Variants in RBFOX1 observed in about 807,000 individuals in gnomAD.
RBFOX1 encodes the protein RNA binding fox-1 homolog 1, also known as RNA binding protein fox-1 homolog 1.
A neutral mutation model predicts 57.7 loss-of-function variants in RBFOX1; 8 were observed. That is an observed-to-expected ratio of 0.14 (90% CI 0.08 to 0.25). The LOEUF (loss-of-function observed/expected upper bound fraction) is 0.25. Among genes scored for constraint, RBFOX1 ranks in the 10% least tolerant of loss-of-function variants. RBFOX1 has a pLI of 1.00. For missense variants in RBFOX1, 611 were observed against 548.5 expected (o/e 1.11, Z -1.14); for synonymous variants, 326 against 222.4 (o/e 1.47, Z -4.15).
intron 3 of RBFOX1, among the ~76,000 whole-genome samples, chr16:6,856,120 C>G (rs2057849843): frequency 6.6e-6 from 1 of 151,568 alleles, no homozygotes. Flanking sequence ...TCTTCCCTTT[C>G]CTTCCCTTCC....
At chr16:6,932,298 G>C (rs1342960961) in intron 3 of RBFOX1, among the ~76,000 whole-genome samples, 1 of 151,920 alleles carries the variant, frequency 6.6e-6, no homozygotes, top group Non-Finnish European at 1.5e-5. Context: ...GTAGAGACGG[G>C]GTTTCACCCT....
At chr16:6,768,635 C>A (rs1046942524) in intron 3 of RBFOX1, among the ~76,000 whole-genome samples, 2 of 151,338 alleles carry the variant, frequency 1.3e-5, no homozygotes, top group African/African-American at 4.9e-5. Flanking sequence ...ATATCGCCTA[C>A]CTGTATATAT....
intron 3 of RBFOX1, among the ~76,000 whole-genome samples, chr16:6,748,596 C>A (rs190996105): frequency 6.6e-6 from 1 of 152,132 alleles, no homozygotes; most frequent in Non-Finnish European, 1.5e-5. Context: ...AAGTTCGAGG[C>A]TGTTGTGAGT....
intron 1 of RBFOX1, among the ~76,000 whole-genome samples, chr16:6,234,488 G>C (rs888481212): frequency 6.6e-6 from 1 of 152,172 alleles, no homozygotes; most frequent in South Asian, 2.1e-4. Context: ...GCAGCATTCA[G>C]AAATAGTTTT....
intron 3 of RBFOX1, among the ~76,000 whole-genome samples, chr16:7,004,829 A>G (rs1158208076): frequency 6.6e-6 from 1 of 152,014 alleles, no homozygotes; most frequent in East Asian, 1.9e-4. Context: ...AGCTGTTGGA[A>G]CCTGTTGGGA....
At chr16:6,846,397 C>T (rs139579815) in intron 3 of RBFOX1, among the ~76,000 whole-genome samples, 19 of 152,286 alleles carry the variant, frequency 1.2e-4, no homozygotes, top group African/African-American at 4.3e-4. Context: ...AAAAGCAGGC[C>T]TTTTCCAGTA....
At chr16:6,362,795 C>T (rs970776109) in intron 2 of RBFOX1, among the ~76,000 whole-genome samples, 1 of 152,194 alleles carries the variant, frequency 6.6e-6, no homozygotes, top group African/African-American at 2.4e-5. Flanking sequence ...TATAGCCAAA[C>T]ATCACACTGG....
At position 6,118,756 on chromosome 16, in the gene RBFOX1, T is replaced by TCTCTCTTTCTCC. The variant is rs1247074672; in HGVS notation, c.-127+98788_-127+98799dup. Among the ~76,000 whole-genome samples the TCTCTCTTTCTCC allele has an allele frequency of 2.6e-3, 387 of 149,280 alleles. 1 individual carries two copies. The highest frequency in any genetic ancestry group is 4.5e-3 in the Non-Finnish European group (301 of 67,238). ...CTCTCTCTGTCCTTCCTTCCTTCCTTCTCTCTTTCTCCCTCTCTTTCTCCC... is the reference window on the plus strand; with the variant it reads ...CTCTCTCTGTCCTTCCTTCCTTCCTTCTCTCTTTCTCCCTCTCTTTCTCCCTCTCTTTCTCCC... On this transcript the variant is annotated intron_variant, in intron 1 of 15. Coordinates refer to ENST00000550418, the MANE Select transcript of RBFOX1 (RefSeq NM_018723.4).
intron 4 of RBFOX1, among the ~76,000 whole-genome samples, chr16:7,117,484 A>T (rs986889691): frequency 1.3e-4 from 20 of 152,088 alleles, no homozygotes; most frequent in African/African-American, 4.8e-4. Context: ...TTAATGTGTG[A>T]GTTTAGGAAA....
rs187037438 is a variant in RBFOX1 at position 6,609,920 on chromosome 16, C to T, written c.-63-44683C>T. ...CTACTTGGGAGGCTGAGGCACGAGA[C>T]TTGCTTGAACCCAGGAGGTGGAGGT... On this transcript the variant is annotated intron_variant, in intron 2 of 15. Coordinates refer to ENST00000550418, the MANE Select transcript of RBFOX1 (RefSeq NM_018723.4). 3.3e-3 allele frequency among the ~76,000 whole-genome samples: 497 copies of T among 152,024 alleles called. 8 individuals carry two copies. The highest frequency in any genetic ancestry group is 0.011 in the African/African-American group (459 of 41,472).
intron 3 of RBFOX1, among the ~76,000 whole-genome samples, chr16:7,003,597 G>T (rs2093031467): frequency 6.6e-6 from 1 of 152,224 alleles, no homozygotes; most frequent in Non-Finnish European, 1.5e-5. Flanking sequence ...AAATACCTCT[G>T]GAGAAAAACT....
At chr16:6,043,171 G>A (rs1246886532) in intron 1 of RBFOX1, among the ~76,000 whole-genome samples, 1 of 129,976 alleles carries the variant, frequency 7.7e-6, no homozygotes, top group Non-Finnish European at 1.7e-5. Context: ...AAGATAAGGG[G>A]CGTTGTGGAA....
At chr16:5,645,926 C>A (rs1289670291) in intron 3 of RBFOX1, among the ~76,000 whole-genome samples, 2 of 152,340 alleles carry the variant, frequency 1.3e-5, no homozygotes, top group South Asian at 4.1e-4. Context: ...GCCTCAAACT[C>A]CTGGGCTCAA....
At chr16:5,403,087 C>T (rs1333547988) in intron 1 of RBFOX1, among the ~76,000 whole-genome samples, 1 of 152,108 alleles carries the variant, frequency 6.6e-6, no homozygotes, top group African/African-American at 2.4e-5. Context: ...CATGGTGACT[C>T]ATGCCTATAA....
intron 4 of RBFOX1, among the ~76,000 whole-genome samples, chr16:7,469,720 T>C (rs1354706166): frequency 6.6e-6 from 1 of 152,276 alleles, no homozygotes; most frequent in Non-Finnish European, 1.5e-5. Flanking sequence ...TAAATATTTT[T>C]AGTGTACAAT....
intron 3 of RBFOX1, among the ~76,000 whole-genome samples, chr16:6,829,165 T>G (rs1567445427): frequency 6.6e-6 from 1 of 151,694 alleles, no homozygotes; most frequent in Non-Finnish European, 1.5e-5. Context: ...GTGTAGAAGT[T>G]TCAAGAAACC....
At chr16:6,579,009 C>A (rs573378055) in intron 2 of RBFOX1, among the ~76,000 whole-genome samples, 325 of 152,002 alleles carry the variant, frequency 2.1e-3, no homozygotes, top group Non-Finnish European at 3.4e-3. Flanking sequence ...TTTATGTAAC[C>A]AAACACCACC....
At chr16:6,589,312 C>T (rs2097676842) in intron 2 of RBFOX1, among the ~76,000 whole-genome samples, 1 of 152,192 alleles carries the variant, frequency 6.6e-6, no homozygotes, top group Non-Finnish European at 1.5e-5. Flanking sequence ...GTAATTCACC[C>T]AGAGCCAGCT....
intron 2 of RBFOX1, among the ~76,000 whole-genome samples, chr16:6,572,669 C>T (rs1195055677): frequency 5.9e-5 from 9 of 152,022 alleles, no homozygotes; most frequent in South Asian, 2.1e-4. Context: ...CTCAGCTCAC[C>T]GCAACCTCTG....
Sources: gnomAD v4.1 joint callset for allele counts (sites outside exome capture counted in the v4.1 genomes callset) on GRCh38, gnomAD v4.1.1 for gene constraint, MANE v1.5 for transcripts, NCBI Gene and HGNC (gene_info 2026-07-23, HGNC 2026-07-21) for gene names.